Variants in GPSM1 observed in about 807,000 individuals in gnomAD.
GPSM1 encodes the protein G protein-signaling modulator 1.
GPSM1 carries 48 observed loss-of-function variants against 70.5 expected under a neutral mutation model. That is an observed-to-expected ratio of 0.68 (90% CI 0.54 to 0.87). The LOEUF (loss-of-function observed/expected upper bound fraction) is 0.87. GPSM1 is among the 40% of genes least tolerant of loss of function. GPSM1 has a pLI of 0.00. For missense variants in GPSM1, 981 were observed against 972.6 expected (o/e 1.01, Z -0.11); for synonymous variants, 416 against 430.1 (o/e 0.97, Z 0.41).
intron 7 of GPSM1, among the ~76,000 whole-genome samples, chr9:136,339,269 A>C (rs1832327463): frequency 2.0e-5 from 3 of 152,256 alleles, no homozygotes; most frequent in Admixed American, 2.0e-4. Context: ...GAAAATGATC[A>C]AATTCCTGTT....
intron 1 of GPSM1, among the ~76,000 whole-genome samples, chr9:136,330,672 G>A (rs1042131223): frequency 6.6e-6 from 1 of 152,204 alleles, no homozygotes; most frequent in Non-Finnish European, 1.5e-5. Flanking sequence ...CATCTGCTCA[G>A]GGGCCAGCAT....
In GPSM1 at chr9:136,340,519, C is replaced by T. The variant is rs1296380695; in HGVS notation, c.1084-351C>T. Among the ~76,000 whole-genome samples the T allele has an allele frequency of 3.9e-5, 6 of 152,066 alleles. No individual in the cohort carries two copies. The highest frequency in any genetic ancestry group is 7.4e-5 in the Non-Finnish European group (5 of 68,018). On this transcript the variant is annotated intron_variant, in intron 8 of 13. Transcript: ENST00000440944. This position sits in a 1 kb window ranked among gnomAD's most constrained non-coding sequence, Gnocchi z 7.3. The stretch of plus-strand genomic sequence containing the variant: ...ATGTGGATGTTCCCGGGAGGGTCCC[C>T]CACAGAGCCTCGGCGCACAAGGCAG...
intron 12 of GPSM1, 22 bp from the exon 13 acceptor site, chr9:136,356,320 C>T (rs1554773126): frequency 1.3e-6 from 2 of 1,525,574 alleles, no homozygotes; most frequent in Admixed American, 2.0e-5. Context: ...GGTCCCAGGT[C>T]TCACCCTCTG....
intron 9 of GPSM1, among the ~76,000 whole-genome samples, chr9:136,346,910 C>T (rs910630281): frequency 3.9e-5 from 6 of 152,164 alleles, no homozygotes; most frequent in Non-Finnish European, 7.4e-5. Context: ...TTGTGTTCCC[C>T]GGCAGGGCCC....
At chr9:136,350,758 C>G (rs1832640263) in intron 11 of GPSM1, among the ~76,000 whole-genome samples, 1 of 152,248 alleles carries the variant, frequency 6.6e-6, no homozygotes, top group Admixed American at 6.5e-5. Context: ...CTGGGCGCCA[C>G]CCGGGTCCTC....
At chr9:136,347,978 G>A (rs968464218) in intron 9 of GPSM1, among the ~76,000 whole-genome samples, 1 of 152,240 alleles carries the variant, frequency 6.6e-6, no homozygotes, top group Non-Finnish European at 1.5e-5. Flanking sequence ...GCCTGGCTGT[G>A]GGGCTTCCCA....
At chr9:136,354,639 G>A (rs933013838) in intron 11 of GPSM1, among the ~76,000 whole-genome samples, 7 of 152,226 alleles carry the variant, frequency 4.6e-5, no homozygotes, top group African/African-American at 1.7e-4. Flanking sequence ...CCTGGGGCCC[G>A]GACCAGGCCC....
Position 136,341,342 on chromosome 9 carries a change from G to T in GPSM1, c.1207+349G>T. The T allele has an allele frequency of 7.0e-7, 1 of 1,436,042 alleles. No individual in the cohort carries two copies. The highest frequency in any genetic ancestry group is 1.5e-5 in the South Asian group (1 of 67,124). 89.0% of individuals were successfully genotyped at this position (1,436,042 alleles called of 1,614,324 possible). ...CAGACCCAAGTAGGAGAGGGCTGCT[G>T]GGAGGCGAGAGGGCATCAGCCAGAG... On this transcript the variant is annotated intron_variant, in intron 9 of 13. Coordinates refer to ENST00000440944, the MANE Select transcript of GPSM1 (RefSeq NM_001145638.3). This position sits in a 1 kb window ranked among gnomAD's most constrained non-coding sequence, Gnocchi z 6.7.
intron 6 of GPSM1, 128 bp downstream of exon 6, chr9:136,338,089 G>T: frequency 1.5e-6 from 1 of 652,830 alleles, no homozygotes; most frequent in African/African-American, 1.8e-5. Flanking sequence ...GCAAGGTGGG[G>T]TTCTAGGCTG....
intron 1 of GPSM1, among the ~76,000 whole-genome samples, chr9:136,333,845 G>A (rs1312283120): frequency 3.9e-5 from 6 of 152,264 alleles, no homozygotes; most frequent in Admixed American, 3.3e-4. Flanking sequence ...CCACACCTCC[G>A]CAGCACTGGT....
intron 11 of GPSM1, chr9:136,353,064 G>A: frequency 2.0e-6 from 2 of 984,784 alleles, no homozygotes; most frequent in Non-Finnish European, 2.4e-6. Flanking sequence ...CAGGGCGGTG[G>A]TGGCCCTGGG....
intron 11 of GPSM1, chr9:136,354,736 G>A: frequency 1.3e-6 from 1 of 789,390 alleles, no homozygotes; most frequent in African/African-American, 1.9e-5. Flanking sequence ...TCCCTTGTTT[G>A]GGTGTGTGGA....
rs919393122 is a variant in GPSM1, at chr9:136,342,527, G to A, written c.1207+1534G>A. Among the ~76,000 whole-genome samples, 5 of 152,152 alleles carry A rather than the reference G, an allele frequency of 3.3e-5. No homozygotes were observed. The highest frequency in any genetic ancestry group is 9.6e-5 in the African/African-American group (4 of 41,456). On this transcript the variant is annotated intron_variant, in intron 9 of 13. Transcript: ENST00000440944. This position sits in a 1 kb window ranked among gnomAD's most constrained non-coding sequence, Gnocchi z 5.5. ...GGAAGGGTCCTCCTCCCCGCCCAGG[G>A]CAGCCCGGCAGCCTGGCTGGGGCCG...
chr9:136,341,130 C>G lies in GPSM1; in HGVS notation c.1207+137C>G. 1 of 1,550,098 alleles carries G rather than the reference C, an allele frequency of 6.5e-7. No individual in the cohort carries two copies. Among genetic ancestry groups the G allele is most frequent in the Non-Finnish European group, 8.7e-7 (1 of 1,146,816 alleles). ...AGAAAATGGCGCCTACAAGCCAGTT[C>G]TTCTTGGCCTCAGGGACAGCACAGG... is the stretch of plus-strand genomic sequence containing the variant. On this transcript the variant is annotated intron_variant, in intron 9 of 13. Coordinates refer to ENST00000440944, the MANE Select transcript of GPSM1 (RefSeq NM_001145638.3). The surrounding 1 kb of genome is among the most constrained non-coding windows in gnomAD (Gnocchi z 6.7).
chr9:136,349,531 G>T, intron 10 of GPSM1, 56 bp from the exon 11 acceptor site: 1 of 1,475,200 alleles, frequency 6.8e-7, no homozygotes, highest in South Asian at 1.2e-5. Context: ...AGGGTCCTGG[G>T]ATGGGGACAT....
intron 12 of GPSM1, 51 bp from the exon 13 acceptor site, chr9:136,356,291 C>T (rs781924245): frequency 2.6e-5 from 36 of 1,368,838 alleles, no homozygotes; most frequent in Admixed American, 5.1e-5. Context: ...GCCCGAGCCT[C>T]GGGCTTGACC....
At chr9:136,346,705 G>A (rs933337191) in intron 9 of GPSM1, among the ~76,000 whole-genome samples, 3 of 152,178 alleles carry the variant, frequency 2.0e-5, no homozygotes, top group African/African-American at 4.8e-5. Flanking sequence ...CCTGACACTC[G>A]GGCCCATTTC....
Position 136,337,858 on chromosome 9 carries a change from G to A in GPSM1, c.715G>A (p.Ala239Thr), listed in dbSNP as rs1554769558. ...TGTGTCTCCGCAGCGCCTGGCCATT[G>A]CTAAGGAGTTTGGAGACAAGGCAGC... ...TTFHKERLAI[A>T]KEFGDKAAER... Residue 239 changes from alanine (A) to threonine (T), a missense_variant, in exon 6 of 14, where the codon GCT becomes ACT. By Grantham distance (58) the Ala-to-Thr change is moderately conservative. Transcript: ENST00000440944. 5.0e-6 allele frequency: 8 copies of A among 1,611,900 alleles called. No homozygotes were observed. The highest frequency in any genetic ancestry group is 2.2e-5 in the East Asian group (1 of 44,880).
At chr9:136,355,984 G>C in intron 12 of GPSM1, 138 bp downstream of exon 12, 1 of 667,472 alleles carries the variant, frequency 1.5e-6, no homozygotes, top group Non-Finnish European at 2.5e-6. Flanking sequence ...CACTGAGGGC[G>C]CCCTCCGCAG....
Sources: allele counts gnomAD v4.1 joint callset (sites outside exome capture counted in the v4.1 genomes callset), GRCh38; gene constraint gnomAD v4.1.1; non-coding constraint Gnocchi (gnomAD v3.1); transcripts MANE v1.5; gene names NCBI Gene and HGNC (gene_info 2026-07-23, HGNC 2026-07-21).